PDSS2: variants seen among roughly 807,000 people sequenced by gnomAD.
PDSS2 encodes the protein all trans-polyprenyl-diphosphate synthase PDSS2.
PDSS2 carries 31 observed loss-of-function variants against 44.5 expected under a neutral mutation model. The ratio of observed to expected loss-of-function variants is 0.70; its 90% confidence interval spans 0.52 to 0.94. The LOEUF (loss-of-function observed/expected upper bound fraction) is 0.94, where lower values mean the gene tolerates loss of function less well. Ranked by LOEUF, PDSS2 falls within the 40% of genes least tolerant of loss-of-function variation. PDSS2 has a pLI of 0.00. For synonymous variants in PDSS2, 157 were observed against 180.3 expected (o/e 0.87, Z 1.03); for missense variants, 452 against 482.2 (o/e 0.94, Z 0.59).
intron 2 of PDSS2, among the ~76,000 whole-genome samples, chr6:107,314,083 T>C (rs1217622898): frequency 6.6e-6 from 1 of 152,050 alleles, no homozygotes; most frequent in African/African-American, 2.4e-5. Context: ...GCTCCACTGT[T>C]CTCTAGCCTG....
At chr6:107,253,143 C>T (rs1338703185) in intron 3 of PDSS2, among the ~76,000 whole-genome samples, 2 of 152,246 alleles carry the variant, frequency 1.3e-5, no homozygotes, top group Non-Finnish European at 2.9e-5. Flanking sequence ...TTCAGCAATT[C>T]TCCTGCCTCA....
In PDSS2 at chr6:107,154,694, G is replaced by A; in HGVS notation, c.1125C>T (p.Ala375=). 1 of 1,614,030 alleles carries A rather than the reference G, an allele frequency of 6.2e-7. No individual in the cohort carries two copies. The highest frequency in any genetic ancestry group is 8.5e-7 in the Non-Finnish European group (1 of 1,179,934). Reference sequence around the variant, plus strand: ...CCTCCGAGGGAGGAAAGCTCTCCAGGGCCTCCAGTGCCTTGTTTCCATGGT... The same window carrying A: ...CCTCCGAGGGAGGAAAGCTCTCCAGAGCCTCCAGTGCCTTGTTTCCATGGT... ...CRYHGNKALE[A]LESFPPSEAR... The change falls in exon 8 of 8, where the codon GCC becomes GCT. Residue 375 remains alanine, a synonymous_variant. Transcript: ENST00000369037.
chr6:107,164,163 A>AC (rs1554247154), intron 7 of PDSS2, among the ~76,000 whole-genome samples: 1 of 90,172 alleles, frequency 1.1e-5, no homozygotes, highest in Non-Finnish European at 2.5e-5. Flanking sequence ...TTATACTTAA[A>AC]AAAAATTTTT....
intron 1 of PDSS2, among the ~76,000 whole-genome samples, chr6:107,386,374 T>G (rs564461473): frequency 8.5e-6 from 1 of 117,346 alleles, no homozygotes; most frequent in Non-Finnish European, 2.0e-5. Context: ...GTATATGTCA[T>G]TTTCTAAAAA....
chr6:107,281,548 G>A (rs537492278), intron 2 of PDSS2, among the ~76,000 whole-genome samples: 2 of 152,304 alleles, frequency 1.3e-5, no homozygotes, highest in South Asian at 4.1e-4. Flanking sequence ...TCATTTAGAA[G>A]TAGAGGATCT....
At chr6:107,422,059 C>A (rs1780842213) in intron 1 of PDSS2, among the ~76,000 whole-genome samples, 1 of 141,414 alleles carries the variant, frequency 7.1e-6, no homozygotes, top group African/African-American at 2.6e-5. Context: ...AAAAACTTGT[C>A]AGCAAAAACC....
rs117659011 is a variant in PDSS2 at position 107,341,465 on chromosome 6, A to G, written c.297-7133T>C. The stretch of plus-strand genomic sequence containing the variant: ...GCAGGCAGCTGGAAATGCTGTGCCT[A>G]TAGAGTTGGGAAGCATCTTCATAGA... On this transcript the variant is annotated intron_variant, in intron 1 of 7. Coordinates refer to ENST00000369037, the MANE Select transcript of PDSS2 (RefSeq NM_020381.4). 1.7e-3 allele frequency among the ~76,000 whole-genome samples: 253 copies of G among 152,298 alleles called. 4 individuals are homozygous for G. The East Asian group carries it at 0.031, about 19-fold the overall frequency.
intron 1 of PDSS2, among the ~76,000 whole-genome samples, chr6:107,390,815 G>C: frequency 6.6e-6 from 1 of 152,008 alleles, no homozygotes; most frequent in African/African-American, 2.4e-5. Context: ...GAATCATCCT[G>C]GAAACACTAG....
intron 1 of PDSS2, among the ~76,000 whole-genome samples, chr6:107,372,390 A>G (rs1194985526): frequency 6.6e-6 from 1 of 152,216 alleles, no homozygotes. Flanking sequence ...GAGGAACTGC[A>G]TTTAGTCTGG....
intron 3 of PDSS2, among the ~76,000 whole-genome samples, chr6:107,256,163 G>A (rs961021257): frequency 3.0e-4 from 46 of 152,076 alleles, no homozygotes; most frequent in African/African-American, 9.2e-4. Flanking sequence ...GCTAATTTTC[G>A]TATTTTTAGT....
chr6:107,332,793 T>C (rs149687908), intron 2 of PDSS2, among the ~76,000 whole-genome samples: 1 of 152,328 alleles, frequency 6.6e-6, no homozygotes, highest in African/African-American at 2.4e-5. Context: ...CCAAATGGAA[T>C]AGCTGTCATA....
intron 1 of PDSS2, among the ~76,000 whole-genome samples, chr6:107,407,683 GTA>G (rs1780363210): frequency 3.3e-5 from 5 of 152,268 alleles, no homozygotes; most frequent in Non-Finnish European, 5.9e-5. Flanking sequence ...TCCTGATTGA[GTA>G]GTACTTATTA....
At chr6:107,267,148 G>A (rs186130449) in intron 3 of PDSS2, among the ~76,000 whole-genome samples, 8 of 152,296 alleles carry the variant, frequency 5.3e-5, no homozygotes, top group East Asian at 1.9e-4. Context: ...CAAAGGCAAC[G>A]AGTCTTGGTT....
At chr6:107,334,851 G>C (rs1777832484) in intron 1 of PDSS2, among the ~76,000 whole-genome samples, 1 of 151,876 alleles carries the variant, frequency 6.6e-6, no homozygotes, top group South Asian at 2.1e-4. Context: ...CCCAGCCCAT[G>C]GCCAGTTTTA....
At chr6:107,286,758 A>G (rs6930822) in intron 2 of PDSS2, among the ~76,000 whole-genome samples, 117,643 of 152,022 alleles carry the variant, frequency 0.77, 45,615 homozygotes, top group South Asian at 0.89. Context: ...AATTTAGAAA[A>G]GAGTGGCCAG....
intron 2 of PDSS2, among the ~76,000 whole-genome samples, chr6:107,326,842 GCT>G (rs921999800): frequency 2.3e-4 from 34 of 150,766 alleles, no homozygotes; most frequent in African/African-American, 8.0e-4. Flanking sequence ...ACAGAGCAGG[GCT>G]CTGTCTCAAA....
chr6:107,281,727 C>T (rs1244664801), intron 2 of PDSS2, among the ~76,000 whole-genome samples: 3 of 152,164 alleles, frequency 2.0e-5, no homozygotes, highest in Admixed American at 6.5e-5. Context: ...TTCTTCTGTG[C>T]ATGAAAGCCT....
At chr6:107,303,197 CCTT>C (rs1460673126) in intron 2 of PDSS2, among the ~76,000 whole-genome samples, 1 of 152,114 alleles carries the variant, frequency 6.6e-6, no homozygotes, top group Non-Finnish European at 1.5e-5. Flanking sequence ...GGCTTGGCTC[CCTT>C]TACAACATCC....
At chr6:107,392,719 G>A (rs548275899) in intron 1 of PDSS2, among the ~76,000 whole-genome samples, 21 of 152,234 alleles carry the variant, frequency 1.4e-4, no homozygotes, top group African/African-American at 5.1e-4. Context: ...TGATACAGGT[G>A]ACTTGTTGGG....
Sources: allele counts gnomAD v4.1 joint callset (sites outside exome capture counted in the v4.1 genomes callset), GRCh38; gene constraint gnomAD v4.1.1; transcripts MANE v1.5; gene names NCBI Gene and HGNC (gene_info 2026-07-23, HGNC 2026-07-21).